The following XPNPEP1 variants were observed in gnomAD, a reference collection of about 807,000 sequenced individuals.
The protein encoded by XPNPEP1 is xaa-Pro aminopeptidase 1.
XPNPEP1 carries 39 observed loss-of-function variants against 92.4 expected under a neutral mutation model. The observed-to-expected ratio is 0.42, with a 90% CI of 0.33 to 0.55. XPNPEP1 has a LOEUF of 0.55. Ranked by LOEUF, XPNPEP1 falls within the 20% of genes least tolerant of loss-of-function variation. XPNPEP1 has a pLI of 0.08. For synonymous variants in XPNPEP1, 307 were observed against 299.4 expected, an observed-to-expected ratio of 1.03 and a Z score of -0.26; for missense variants, 654 against 856.1, an observed-to-expected ratio of 0.76 and a Z score of 2.95.
intron 15 of XPNPEP1, chr10:109,873,668 A>C (rs1727424400): frequency 7.8e-6 from 4 of 515,708 alleles, no homozygotes; most frequent in Middle Eastern, 5.1e-4. Context: ...TCCACACAAA[A>C]ACTTGTACAT....
chr10:109,888,636 C>T lies in XPNPEP1; in HGVS notation c.416-41G>A, dbSNP rs749622707. 1.6e-5 allele frequency: 24 copies of T among 1,489,148 alleles called. No individual in the cohort carries two copies. The Admixed American group carries it at 4.4e-4, about 27-fold the overall frequency. The allele number at this position is 1,489,148 out of a possible 1,614,324, so 92.2% of individuals were successfully genotyped here. ...ATGATAAGAAACAATTCCCAGTGGGCCCACGCTCATTATCCCACCAGAAAG... is the reference window on the plus strand; with the variant it reads ...ATGATAAGAAACAATTCCCAGTGGGTCCACGCTCATTATCCCACCAGAAAG... On this transcript the variant is annotated intron_variant, in intron 5 of 20. Transcript: ENST00000502935.
chr10:109,894,543 A>G (rs930397663), intron 3 of XPNPEP1, among the ~76,000 whole-genome samples: 1 of 142,170 alleles, frequency 7.0e-6, no homozygotes, highest in Non-Finnish European at 1.5e-5. Flanking sequence ...AAAAAATTAA[A>G]ACAAAAATTA....
chr10:109,885,213 CAGTT>C (rs1420248911), intron 8 of XPNPEP1, among the ~76,000 whole-genome samples: 3 of 152,118 alleles, frequency 2.0e-5, no homozygotes, highest in Admixed American at 6.5e-5. Flanking sequence ...CTTAGGGAAA[CAGTT>C]AAATAAATTA....
intron 3 of XPNPEP1, among the ~76,000 whole-genome samples, chr10:109,904,672 A>G (rs1286381268): frequency 6.6e-6 from 1 of 152,238 alleles, no homozygotes; most frequent in Admixed American, 6.5e-5. Context: ...ACCAAAAAGC[A>G]TATGAAAAGA....
chr10:109,917,969 C>T (rs931848688), intron 1 of XPNPEP1, among the ~76,000 whole-genome samples: 3 of 152,032 alleles, frequency 2.0e-5, no homozygotes, highest in Admixed American at 6.6e-5. Context: ...AAAAATTAGT[C>T]AGGCATGGTG....
At chr10:109,894,504 G>A (rs1054089235) in intron 3 of XPNPEP1, among the ~76,000 whole-genome samples, 2 of 150,174 alleles carry the variant, frequency 1.3e-5, no homozygotes, top group African/African-American at 2.5e-5. Context: ...CTGTATTCCA[G>A]CCTAGGCAAC....
At chr10:109,876,133 A>G (rs1196747306) in intron 14 of XPNPEP1, 2 of 152,612 alleles carry the variant, frequency 1.3e-5, no homozygotes, top group African/African-American at 4.8e-5. Context: ...GAGAAAAACT[A>G]AAGGAATTTT....
intron 1 of XPNPEP1, among the ~76,000 whole-genome samples, chr10:109,921,326 G>T (rs1850527068): frequency 6.6e-6 from 1 of 151,742 alleles, no homozygotes; most frequent in Admixed American, 6.6e-5. Context: ...CCAGCTCAGT[G>T]CTCCTACCCT....
chr10:109,865,229 G>A lies in XPNPEP1; in HGVS notation c.1956C>T (p.Leu652=), dbSNP rs371885350. Reference sequence around the variant, plus strand: ...GTTGCGTCTCTCTGATGAGCCACTCGAGAGCTTCCTGGCGGCCCTGTTTCT... The same window carrying A: ...GTTGCGTCTCTCTGATGAGCCACTCAAGAGCTTCCTGGCGGCCCTGTTTCT... ...ELQKQGRQEA[L]EWLIRETQPI... is the part of the protein sequence containing the mutation. Residue 652 remains leucine (L), a synonymous_variant, in exon 21 of 21, where the codon CTC becomes CTT. Coordinates refer to ENST00000502935, the MANE Select transcript of XPNPEP1 (RefSeq NM_020383.4). The A allele has an allele frequency of 3.0e-5, 48 of 1,614,142 alleles. No homozygotes were observed. The highest frequency in any genetic ancestry group is 1.3e-4 in the Admixed American group (8 of 60,016).
chr10:109,888,734 G>GA (rs1335157880), intron 5 of XPNPEP1, 139 bp from the exon 6 acceptor site: 4 of 578,650 alleles, frequency 6.9e-6, no homozygotes. Flanking sequence ...ACAGGACTTA[G>GA]AAAATCTGAA....
chr10:109,892,201 T>G (rs1848739853), intron 4 of XPNPEP1, among the ~76,000 whole-genome samples: 1 of 152,188 alleles, frequency 6.6e-6, no homozygotes, highest in Non-Finnish European at 1.5e-5. Context: ...CAGCCACTCC[T>G]CTGCTCCACC....
At chr10:109,866,504 C>T (rs561584601) in intron 20 of XPNPEP1, among the ~76,000 whole-genome samples, 18 of 152,312 alleles carry the variant, frequency 1.2e-4, no homozygotes, top group South Asian at 2.1e-4. Context: ...AGTAAGGCAA[C>T]GGCAGCATCC....
At chr10:109,890,587 T>C (rs968408284) in intron 5 of XPNPEP1, among the ~76,000 whole-genome samples, 1 of 91,460 alleles carries the variant, frequency 1.1e-5, no homozygotes, top group Non-Finnish European at 2.1e-5. Context: ...TGTGTGTGTG[T>C]GTGTGTGAGA....
At chr10:109,877,900 A>G (rs1013078033) in intron 13 of XPNPEP1, 33 bp from the exon 14 acceptor site, 3 of 1,614,194 alleles carry the variant, frequency 1.9e-6, no homozygotes, top group Non-Finnish European at 2.5e-6. Context: ...AGAGTGGCTT[A>G]AAGGTTTTTA....
chr10:109,871,090 C>G (rs116170181), intron 17 of XPNPEP1, 186 bp from the exon 18 acceptor site: 1 of 620,458 alleles, frequency 1.6e-6, no homozygotes, highest in Non-Finnish European at 2.6e-6. Flanking sequence ...AGAGCTCAGT[C>G]TGAAGCTAGG....
chr10:109,885,329 A>C (rs1025950826), intron 8 of XPNPEP1, among the ~76,000 whole-genome samples: 2 of 152,236 alleles, frequency 1.3e-5, no homozygotes, highest in African/African-American at 4.8e-5. Flanking sequence ...ATAAAATGAT[A>C]TATGCATAGA....
At chr10:109,899,352 T>C (rs1383976069) in intron 3 of XPNPEP1, among the ~76,000 whole-genome samples, 1 of 152,160 alleles carries the variant, frequency 6.6e-6, no homozygotes, top group Non-Finnish European at 1.5e-5. Context: ...GCCCTGTCCA[T>C]ACTCTGTCCC....
chr10:109,882,775 C>G, intron 9 of XPNPEP1, 133 bp from the exon 10 acceptor site: 2 of 936,066 alleles, frequency 2.1e-6, no homozygotes, highest in Non-Finnish European at 3.2e-6. Flanking sequence ...CCTCCCCACT[C>G]CTTTCCCAAA....
At chr10:109,922,820 G>C (rs1162773100) in intron 1 of XPNPEP1, among the ~76,000 whole-genome samples, 1 of 152,232 alleles carries the variant, frequency 6.6e-6, no homozygotes, top group East Asian at 1.9e-4. Flanking sequence ...TGCCCAAGGA[G>C]AGCCCAGGGC....
Sources: gnomAD v4.1 joint callset for allele counts (sites outside exome capture counted in the v4.1 genomes callset) on GRCh38, gnomAD v4.1.1 for gene constraint, MANE v1.5 for transcripts, NCBI Gene and HGNC (gene_info 2026-07-23, HGNC 2026-07-21) for gene names.